The following PEX7 variants were observed in gnomAD, a reference collection of about 807,000 sequenced individuals.
The protein encoded by PEX7 is peroxisomal biogenesis factor 7, also known as PTS2 receptor.
In PEX7, 34 loss-of-function variants were observed where a neutral mutation model predicts 47.5. The ratio of observed to expected loss-of-function variants is 0.72; its 90% confidence interval spans 0.54 to 0.95. PEX7 has a LOEUF of 0.95. Among genes scored for constraint, PEX7 ranks in the 40% least tolerant of loss-of-function variants. PEX7 has a pLI of 0.00. For missense variants in PEX7, 394 were observed against 400.3 expected (o/e 0.98, Z 0.13); for synonymous variants, 141 against 148.8 (o/e 0.95, Z 0.38).
chr6:136,898,652 A>G (rs1775694567), intron 9 of PEX7, among the ~76,000 whole-genome samples: 1 of 152,068 alleles, frequency 6.6e-6, no homozygotes, highest in Non-Finnish European at 1.5e-5. Flanking sequence ...CAAGACTGTC[A>G]CCCTTGTCTT....
intron 8 of PEX7, among the ~76,000 whole-genome samples, chr6:136,892,963 C>T (rs572937095): frequency 1.3e-5 from 2 of 152,118 alleles, no homozygotes; most frequent in Non-Finnish European, 2.9e-5. Flanking sequence ...GCCCTCAAGT[C>T]CATTCTTCTC....
At chr6:136,848,184 C>T (rs1349326125) in intron 5 of PEX7, among the ~76,000 whole-genome samples, 1 of 152,166 alleles carries the variant, frequency 6.6e-6, no homozygotes, top group East Asian at 1.9e-4. Flanking sequence ...GTGATTCTTG[C>T]ACATTGATTT....
At chr6:136,899,637 C>G (rs1161391793) in intron 9 of PEX7, among the ~76,000 whole-genome samples, 1 of 152,146 alleles carries the variant, frequency 6.6e-6, no homozygotes, top group African/African-American at 2.4e-5. Flanking sequence ...TCCTCGGCCT[C>G]CCAAAGTGCT....
chr6:136,905,864 A>G (rs750999460), intron 9 of PEX7, among the ~76,000 whole-genome samples: 5 of 152,218 alleles, frequency 3.3e-5, no homozygotes, highest in Non-Finnish European at 7.3e-5. Flanking sequence ...TCGGGGCCAT[A>G]CTAGAGATCT....
intron 3 of PEX7, among the ~76,000 whole-genome samples, chr6:136,834,932 A>G (rs1409620704): frequency 6.6e-6 from 1 of 151,934 alleles, no homozygotes; most frequent in African/African-American, 2.4e-5. Flanking sequence ...TTAACTCTTT[A>G]GTTTTTTGTT....
In PEX7 at chr6:136,867,928, A is replaced by G. The variant is rs554753665; in HGVS notation, c.633+1195A>G. ...AGTAATGTTCTAGGCCTTTCCATTCACTCACTACTCATTCACTCACTGACT... is the reference window on the plus strand; with the variant it reads ...AGTAATGTTCTAGGCCTTTCCATTCGCTCACTACTCATTCACTCACTGACT... On this transcript the variant is annotated intron_variant, in intron 6 of 9. Transcript: ENST00000318471. Among the ~76,000 whole-genome samples the G allele has an allele frequency of 2.0e-5, 3 of 152,220 alleles. No homozygotes were observed. The East Asian group carries it at 5.8e-4, about 29-fold the overall frequency.
At chr6:136,848,479 T>C (rs1389967182) in intron 5 of PEX7, among the ~76,000 whole-genome samples, 4 of 152,246 alleles carry the variant, frequency 2.6e-5, no homozygotes, top group Non-Finnish European at 4.4e-5. Context: ...TCATATTGGC[T>C]GTGGGTTTGT....
intron 8 of PEX7, among the ~76,000 whole-genome samples, chr6:136,874,342 C>A (rs559422335): frequency 6.6e-6 from 1 of 152,206 alleles, no homozygotes; most frequent in South Asian, 2.1e-4. Flanking sequence ...TGGAAATTGT[C>A]CCTTGCTTTT....
intron 5 of PEX7, among the ~76,000 whole-genome samples, chr6:136,861,423 T>C (rs1213412529): frequency 2.0e-5 from 3 of 152,172 alleles, no homozygotes; most frequent in African/African-American, 4.8e-5. Flanking sequence ...TCATATCTTA[T>C]TAGGGTGAAC....
intron 8 of PEX7, among the ~76,000 whole-genome samples, chr6:136,876,292 C>T (rs1775271575): frequency 6.6e-6 from 1 of 152,184 alleles, no homozygotes; most frequent in Non-Finnish European, 1.5e-5. Context: ...CCGCCTCAGC[C>T]TCCCAAAGTG....
chr6:136,869,191 C>T (rs1209605832), intron 6 of PEX7, among the ~76,000 whole-genome samples: 3 of 152,136 alleles, frequency 2.0e-5, no homozygotes, highest in African/African-American at 7.2e-5. Flanking sequence ...TCCCAAAGTG[C>T]TGGGATTATA....
Position 136,869,874 on chromosome 6 carries a change from T to G in PEX7, c.634-16T>G, listed in dbSNP as rs751096718. The G allele has an allele frequency of 1.9e-6, 3 of 1,582,406 alleles. No homozygotes were observed. The highest frequency in any genetic ancestry group is 2.6e-6 in the Non-Finnish European group (3 of 1,151,134). ...GCAAAGATGTCACAGTTTATGTTTCTCTGAATTGTTTTTAGAATTTGCTGG... is the reference window on the plus strand; with the variant it reads ...GCAAAGATGTCACAGTTTATGTTTCGCTGAATTGTTTTTAGAATTTGCTGG... On this transcript the variant is annotated splice_polypyrimidine_tract_variant and intron_variant, in intron 6 of 9. Coordinates refer to ENST00000318471, the MANE Select transcript of PEX7 (RefSeq NM_000288.4).
At chr6:136,868,542 G>C (rs1184131318) in intron 6 of PEX7, among the ~76,000 whole-genome samples, 1 of 152,024 alleles carries the variant, frequency 6.6e-6, no homozygotes, top group Non-Finnish European at 1.5e-5. Context: ...ATTATGGCCT[G>C]TATGTTAGAT....
chr6:136,837,310 C>G (rs764257528), intron 3 of PEX7, among the ~76,000 whole-genome samples: 92 of 131,184 alleles, frequency 7.0e-4, no homozygotes, highest in Admixed American at 1.2e-3. Flanking sequence ...TGCAGTGCGC[C>G]AAGATCGCGC....
intron 5 of PEX7, among the ~76,000 whole-genome samples, chr6:136,853,490 A>G (rs1042994221): frequency 1.6e-4 from 25 of 152,170 alleles, no homozygotes; most frequent in African/African-American, 2.7e-4. Context: ...AACTATACCA[A>G]TGCCCTGAGT....
chr6:136,898,685 G>T (rs543143514), intron 9 of PEX7, among the ~76,000 whole-genome samples: 18 of 152,320 alleles, frequency 1.2e-4, no homozygotes, highest in Admixed American at 1.1e-3. Context: ...CGAATGGGAG[G>T]CTTCTGATGG....
chr6:136,890,000 A>G (rs1055923709), intron 8 of PEX7, among the ~76,000 whole-genome samples: 3 of 152,180 alleles, frequency 2.0e-5, no homozygotes, highest in Non-Finnish European at 2.9e-5. Flanking sequence ...ACTTAGACCA[A>G]CTGGGTACTG....
At position 136,900,450 on chromosome 6, in the gene PEX7, AC is replaced by A; in HGVS notation, c.903+2211del. On this transcript the variant is annotated intron_variant, in intron 9 of 9. Transcript: ENST00000318471. This position sits in a 1 kb window ranked among gnomAD's most constrained non-coding sequence, Gnocchi z 4.2. ...TGGCAGTGTGAGCCACAGACTTGGG[AC>A]CAAGGACATTGCCCCCCCAGTGACA... is the stretch of plus-strand genomic sequence containing the variant. 1 of 450,104 alleles carries A rather than the reference AC, an allele frequency of 2.2e-6. No individual in the cohort carries two copies. 27.9% of individuals were successfully genotyped at this position (450,104 alleles called of 1,614,324 possible).
intron 5 of PEX7, among the ~76,000 whole-genome samples, 198 bp from the exon 6 acceptor site, chr6:136,866,429 C>T (rs942121838): frequency 2.0e-5 from 3 of 152,104 alleles, no homozygotes; most frequent in Admixed American, 1.3e-4. Context: ...AGCATTATCA[C>T]GGTGCAACGT....
Sources: gnomAD v4.1 joint callset for allele counts (sites outside exome capture counted in the v4.1 genomes callset) on GRCh38, gnomAD v4.1.1 for gene constraint, Gnocchi (gnomAD v3.1) non-coding constraint, MANE v1.5 for transcripts, NCBI Gene and HGNC (gene_info 2026-07-23, HGNC 2026-07-21) for gene names.